FBXO10: variants seen among roughly 807,000 people sequenced by gnomAD.
FBXO10 encodes the protein F-box protein 10.
In FBXO10, 39 loss-of-function variants were observed where a neutral mutation model predicts 80.7. The observed-to-expected ratio is 0.48, with a 90% confidence interval of 0.37 to 0.63. The LOEUF is 0.63. FBXO10 is among the 30% of genes least tolerant of loss of function. The pLI is 0.00. For missense variants in FBXO10, 1,025 were observed against 1,269.0 expected (o/e 0.81, Z 2.92); for synonymous variants, 449 against 489.6 (o/e 0.92, Z 1.09).
chr9:37,555,012 C>T (rs1025294706), intron 1 of FBXO10, among the ~76,000 whole-genome samples: 3 of 152,106 alleles, frequency 2.0e-5, no homozygotes. Flanking sequence ...ACACGCCTAC[C>T]AAGAAAGAAT....
intron 1 of FBXO10, among the ~76,000 whole-genome samples, chr9:37,567,037 T>C (rs1433537797): frequency 6.6e-6 from 1 of 152,086 alleles, no homozygotes; most frequent in African/African-American, 2.4e-5. Context: ...CAGGTTTTAG[T>C]ACTGATTCTC....
At chr9:37,568,662 C>T (rs1007972595) in intron 1 of FBXO10, among the ~76,000 whole-genome samples, 5 of 152,156 alleles carry the variant, frequency 3.3e-5, no homozygotes, top group African/African-American at 9.6e-5. Flanking sequence ...AAAGGATAAA[C>T]GGAGTTCATG....
chr9:37,563,295 C>T (rs1369929615), intron 1 of FBXO10, among the ~76,000 whole-genome samples: 1 of 152,194 alleles, frequency 6.6e-6, no homozygotes, highest in African/African-American at 2.4e-5. Flanking sequence ...TATTTCTTAA[C>T]AGCAGCATGA....
chr9:37,547,181 C>T (rs1425548127), intron 1 of FBXO10, among the ~76,000 whole-genome samples: 1 of 152,210 alleles, frequency 6.6e-6, no homozygotes, highest in East Asian at 1.9e-4. Flanking sequence ...ACCCAAACAT[C>T]CATCAACAGA....
chr9:37,521,026 G>T (rs1821328492), intron 8 of FBXO10, among the ~76,000 whole-genome samples: 1 of 152,198 alleles, frequency 6.6e-6, no homozygotes, highest in Admixed American at 6.6e-5. Flanking sequence ...TTCACAACAG[G>T]TTTTGAAGTT....
intron 1 of FBXO10, among the ~76,000 whole-genome samples, chr9:37,543,131 A>T (rs1821968621): frequency 6.6e-6 from 1 of 152,172 alleles, no homozygotes; most frequent in South Asian, 2.1e-4. Context: ...TGGCTCTGCC[A>T]TTGGTTATCC....
chr9:37,549,146 G>T (rs1175680346), intron 1 of FBXO10, among the ~76,000 whole-genome samples: 1 of 152,154 alleles, frequency 6.6e-6, no homozygotes, highest in Non-Finnish European at 1.5e-5. Context: ...CAGAAGATCA[G>T]TTGTGAGCTT....
At chr9:37,517,960 T>A (rs1821227564) in intron 9 of FBXO10, among the ~76,000 whole-genome samples, 165 bp downstream of exon 9, 1 of 152,176 alleles carries the variant, frequency 6.6e-6, no homozygotes, top group Non-Finnish European at 1.5e-5. Context: ...TCCCCCCCTG[T>A]GGGAAGTCCC....
chr9:37,569,657 G>T (rs1256624335), intron 1 of FBXO10, among the ~76,000 whole-genome samples: 1 of 152,162 alleles, frequency 6.6e-6, no homozygotes, highest in East Asian at 1.9e-4. Context: ...GAAGTATCAA[G>T]AAATTTCAAA....
chr9:37,549,701 T>C (rs988869083), intron 1 of FBXO10, among the ~76,000 whole-genome samples: 4 of 152,220 alleles, frequency 2.6e-5, no homozygotes, highest in African/African-American at 9.6e-5. Context: ...TCTCATGGTC[T>C]CAATTTTGCT....
intron 4 of FBXO10, 125 bp from the exon 5 acceptor site, chr9:37,529,385 G>T: frequency 9.7e-7 from 1 of 1,033,280 alleles, no homozygotes; most frequent in Non-Finnish European, 1.4e-6. Flanking sequence ...CACTGTAAGA[G>T]CCCTAGCCCG....
intron 1 of FBXO10, among the ~76,000 whole-genome samples, chr9:37,566,024 A>G (rs1332193688): frequency 6.6e-6 from 1 of 152,196 alleles, no homozygotes; most frequent in Non-Finnish European, 1.5e-5. Flanking sequence ...GAACACCCTT[A>G]GCCAAAGGTA....
chr9:37,557,990 T>A (rs1331575735), intron 1 of FBXO10, among the ~76,000 whole-genome samples: 1 of 152,254 alleles, frequency 6.6e-6, no homozygotes, highest in Non-Finnish European at 1.5e-5. Context: ...GTATTTTTAA[T>A]CATTGCTAAG....
In FBXO10 at chr9:37,522,935, C is replaced by T. The variant is rs768065121; in HGVS notation, c.1820G>A (p.Arg607His). The change falls in exon 7 of 11, where the codon CGC (arginine) becomes CAC (histidine). Residue 607 changes from arginine to histidine, a missense_variant. By Grantham distance (29) the Arg-to-His change is conservative (BLOSUM62 0). Around this residue, in one of 3 missense-constraint regions of FBXO10, gnomAD observed 478 missense variants for 667.8 expected, o/e 0.72. Transcript: ENST00000432825. ...RENQWGGVDIRRGGIPVLRSN... is the reference protein window; with the variant it reads ...RENQWGGVDIHRGGIPVLRSN... Reference sequence around the variant, plus strand: ...CCTGAGAACGGGGATCCCTCCACGGCGGATGTCCACACCTCCCCACTGATT... The same window carrying T: ...CCTGAGAACGGGGATCCCTCCACGGTGGATGTCCACACCTCCCCACTGATT... 2.5e-6 allele frequency: 4 copies of T among 1,590,692 alleles called. No individual in the cohort carries two copies. The highest frequency in any genetic ancestry group is 1.3e-5 in the African/African-American group (1 of 74,332).
chr9:37,572,503 G>A (rs957186405), intron 1 of FBXO10, among the ~76,000 whole-genome samples: 1 of 152,208 alleles, frequency 6.6e-6, no homozygotes, highest in Non-Finnish European at 1.5e-5. Flanking sequence ...GAAAATAAGT[G>A]AGGCCGCCAC....
chr9:37,520,522 C>CTTTTTTTTTTTTT (rs1191753429), intron 8 of FBXO10, among the ~76,000 whole-genome samples: 2 of 83,384 alleles, frequency 2.4e-5, no homozygotes, highest in African/African-American at 9.1e-5. Context: ...CCTTCTTCTT[C>CTTTTTTTTTTTTT]TTTTTTTTTT....
rs567886826 is a variant in FBXO10, at chr9:37,526,815, A to T, written c.1707-1643T>A. ...CTGCTCTCTTATTTATTTATTTTTT[A>T]AAATATTTTATTTATTTATTTATTT... is the stretch of plus-strand genomic sequence containing the variant. On this transcript the variant is annotated intron_variant, in intron 5 of 10. Coordinates refer to ENST00000432825, the MANE Select transcript of FBXO10 (RefSeq NM_012166.3). Among the ~76,000 whole-genome samples the T allele has an allele frequency of 6.5e-3, 914 of 140,880 alleles. 7 individuals carry two copies. Among genetic ancestry groups the T allele is most frequent in the African/African-American group, 0.022 (875 of 39,014 alleles). 92.4% of individuals were successfully genotyped at this position (140,880 alleles called of 152,430 possible).
chr9:37,532,945 C>T (rs575436032), intron 3 of FBXO10, among the ~76,000 whole-genome samples: 3 of 152,340 alleles, frequency 2.0e-5, no homozygotes, highest in African/African-American at 7.2e-5. Flanking sequence ...CCTCTCCCAC[C>T]TTCCCTTCCA....
intron 1 of FBXO10, among the ~76,000 whole-genome samples, chr9:37,545,080 C>T (rs1159162969): frequency 1.3e-5 from 2 of 151,612 alleles, no homozygotes; most frequent in African/African-American, 2.4e-5. Flanking sequence ...TGACATCTGC[C>T]ACTCCCCAAG....
Sources: gnomAD v4.1 joint callset for allele counts (sites outside exome capture counted in the v4.1 genomes callset) on GRCh38, gnomAD v4.1.1 for gene constraint, gnomAD v4.1.1 regional missense constraint, MANE v1.5 for transcripts, NCBI Gene and HGNC (gene_info 2026-07-23, HGNC 2026-07-21) for gene names.